The following CHN2 variants were observed in gnomAD, a reference collection of about 807,000 sequenced individuals.
The protein encoded by CHN2 is beta-chimaerin.
In CHN2, 35 loss-of-function variants were observed where a neutral mutation model predicts 56.3. The ratio of observed to expected loss-of-function variants is 0.62; its 90% CI spans 0.47 to 0.82. The LOEUF (loss-of-function observed/expected upper bound fraction) is 0.82, where lower values mean the gene tolerates loss of function less well. Ranked by LOEUF, CHN2 falls within the 40% of genes least tolerant of loss-of-function variation. The pLI, the probability that CHN2 is intolerant of heterozygous loss-of-function variation, is 0.00. For synonymous variants in CHN2, 210 were observed against 212.8 expected, an observed-to-expected ratio of 0.99 and a Z score of 0.12; for missense variants, 491 against 580.5, an observed-to-expected ratio of 0.85 and a Z score of 1.58.
At chr7:29,196,596 A>G (rs1458919661) in intron 1 of CHN2, among the ~76,000 whole-genome samples, 2 of 152,246 alleles carry the variant, frequency 1.3e-5, no homozygotes, top group Non-Finnish European at 2.9e-5. Context: ...ACTGCCCACT[A>G]GAAAATGAAC....
At chr7:29,176,846 C>T (rs1026760647) in intron 2 of CHN2, among the ~76,000 whole-genome samples, 3 of 152,188 alleles carry the variant, frequency 2.0e-5, no homozygotes, top group African/African-American at 7.2e-5. Context: ...CAACCTCTTG[C>T]TCTTTCATCA....
At chr7:29,395,689 ATATAT>A (rs991674004) in intron 4 of CHN2, among the ~76,000 whole-genome samples, 3 of 152,174 alleles carry the variant, frequency 2.0e-5, no homozygotes, top group African/African-American at 4.8e-5. Flanking sequence ...AGTCATACAA[ATATAT>A]TAGATATTAT....
intron 1 of CHN2, among the ~76,000 whole-genome samples, chr7:29,293,220 C>T (rs2128870713): frequency 6.6e-6 from 1 of 152,276 alleles, no homozygotes; most frequent in Middle Eastern, 3.4e-3. Context: ...TCCATTAAAT[C>T]CTTTTCCCTC....
intron 1 of CHN2, among the ~76,000 whole-genome samples, chr7:29,284,070 C>T (rs12531033): frequency 3.3e-5 from 5 of 151,092 alleles, no homozygotes; most frequent in Non-Finnish European, 5.9e-5. Flanking sequence ...TGCGTCACCA[C>T]GCCTAGCTAA....
chr7:29,230,086 T>C (rs1309778976), intron 1 of CHN2, among the ~76,000 whole-genome samples: 1 of 152,190 alleles, frequency 6.6e-6, no homozygotes, highest in African/African-American at 2.4e-5. Context: ...AGATGAATAC[T>C]TGTGATAGTG....
At chr7:29,275,960 C>T (rs979037918) in intron 1 of CHN2, among the ~76,000 whole-genome samples, 6 of 151,808 alleles carry the variant, frequency 4.0e-5, no homozygotes, top group African/African-American at 7.3e-5. Flanking sequence ...GTACTATGGT[C>T]GCTATTTGGG....
chr7:29,223,289 C>G (rs1419116576), intron 1 of CHN2, among the ~76,000 whole-genome samples: 2 of 152,102 alleles, frequency 1.3e-5, no homozygotes, highest in Non-Finnish European at 2.9e-5. Flanking sequence ...CCTATATGAT[C>G]AGGTCTTCTT....
Position 29,194,880 on chromosome 7 carries a change from G to GGGCAGC in CHN2, c.-58_-53dup. 1 of 1,376,284 alleles carries GGGCAGC rather than the reference G, an allele frequency of 7.3e-7. No homozygotes were observed. The highest frequency in any genetic ancestry group is 1.7e-5 in the South Asian group (1 of 57,844). 85.3% of individuals were successfully genotyped at this position (1,376,284 alleles called of 1,614,324 possible). A position where few individuals can be genotyped will look rare whatever the true frequency, so the allele number is the denominator to read the frequency against. ...GCGGAGGCTGCGAGCGGCCGGGCGA[G>GGGCAGC]GGCAGCGGCGGCGGCGTCCGCACCG... is the stretch of plus-strand genomic sequence containing the variant. On this transcript the variant is annotated 5_prime_UTR_variant, in exon 1 of 13. Coordinates refer to ENST00000222792, the MANE Select transcript of CHN2 (RefSeq NM_004067.4).
chr7:29,490,489 C>G (rs146432576), intron 7 of CHN2, among the ~76,000 whole-genome samples: 1 of 152,156 alleles, frequency 6.6e-6, no homozygotes, highest in Non-Finnish European at 1.5e-5. Context: ...TCTATTTCAA[C>G]TTTGTATATC....
At chr7:29,408,916 T>A (rs533170510) in intron 6 of CHN2, among the ~76,000 whole-genome samples, 1 of 152,190 alleles carries the variant, frequency 6.6e-6, no homozygotes, top group South Asian at 2.1e-4. Context: ...GAGACACGGC[T>A]CCCGAGAAAG....
At chr7:29,181,254 T>C (rs945855288) in intron 2 of CHN2, 43 of 152,230 alleles carry the variant, frequency 2.8e-4, no homozygotes, top group African/African-American at 8.9e-4. Context: ...TGACCAAGGC[T>C]TCAGCTATTG....
At chr7:29,347,478 A>AG (rs1489624178) in intron 1 of CHN2, among the ~76,000 whole-genome samples, 1 of 152,146 alleles carries the variant, frequency 6.6e-6, no homozygotes, top group African/African-American at 2.4e-5. Context: ...TGGAAGGCGG[A>AG]GGGGAAGCAG....
At chr7:29,209,048 C>T (rs1784732999) in intron 1 of CHN2, 2 of 149,798 alleles carry the variant, frequency 1.3e-5, no homozygotes, top group African/African-American at 5.0e-5. Flanking sequence ...CAAAGTTCCC[C>T]TTGCCTCATT....
intron 6 of CHN2, among the ~76,000 whole-genome samples, chr7:29,448,463 TC>T (rs1168227091): frequency 6.6e-6 from 1 of 152,172 alleles, no homozygotes; most frequent in African/African-American, 2.4e-5. Context: ...AGTTTATACA[TC>T]CCAGCATGTC....
chr7:29,277,954 C>T (rs977403146), intron 1 of CHN2, among the ~76,000 whole-genome samples: 3 of 152,180 alleles, frequency 2.0e-5, no homozygotes, highest in Non-Finnish European at 4.4e-5. Flanking sequence ...CCCCATTTTA[C>T]AGGCGGAGAA....
At chr7:29,243,139 G>A (rs906320353) in intron 1 of CHN2, among the ~76,000 whole-genome samples, 7 of 152,036 alleles carry the variant, frequency 4.6e-5, no homozygotes. Context: ...TGTAAATACG[G>A]CATGGGGAGG....
chr7:29,370,411 G>A (rs1198891255), intron 3 of CHN2, among the ~76,000 whole-genome samples: 1 of 152,186 alleles, frequency 6.6e-6, no homozygotes, highest in African/African-American at 2.4e-5. Flanking sequence ...ACATAAAGCA[G>A]TAAAGGCTGT....
intron 1 of CHN2, among the ~76,000 whole-genome samples, chr7:29,317,018 A>C (rs559729436): frequency 6.6e-6 from 1 of 152,370 alleles, no homozygotes; most frequent in East Asian, 1.9e-4. Context: ...TTTCTGAACA[A>C]TAATAATTTG....
chr7:29,317,733 G>A (rs573601969), intron 1 of CHN2, among the ~76,000 whole-genome samples: 46 of 152,246 alleles, frequency 3.0e-4, no homozygotes, highest in African/African-American at 1.1e-3. Context: ...TAATTGAAGT[G>A]GGACATATGA....
Sources: gnomAD v4.1 joint callset for allele counts (sites outside exome capture counted in the v4.1 genomes callset) on GRCh38, gnomAD v4.1.1 for gene constraint, MANE v1.5 for transcripts, NCBI Gene and HGNC (gene_info 2026-07-23, HGNC 2026-07-21) for gene names.